WIPI1: variants seen among roughly 807,000 people sequenced by gnomAD.
The protein encoded by WIPI1 is WD repeat domain phosphoinositide-interacting protein 1.
Under a neutral mutation model 55.3 loss-of-function variants are expected in WIPI1, and 45 were observed. The observed-to-expected ratio is 0.81, with a 90% CI of 0.64 to 1.04. The LOEUF is 1.04. Among genes scored for constraint, WIPI1 ranks in the 50% least tolerant of loss-of-function variants. The probability of loss-of-function intolerance (pLI) is 0.00; values close to 1 mark genes in which losing one functional copy is unlikely to be tolerated. For missense variants in WIPI1, 445 were observed against 559.0 expected (o/e 0.80, Z 2.06); for synonymous variants, 195 against 217.6 (o/e 0.90, Z 0.92).
At position 68,450,898 on chromosome 17, in the gene WIPI1, C is replaced by A. The variant is rs2084474137; in HGVS notation, c.164-1G>T. On this transcript the variant is annotated splice_acceptor_variant, in intron 2 of 12. Coordinates refer to ENST00000262139, the MANE Select transcript of WIPI1 (RefSeq NM_017983.7). LOFTEE classifies it high-confidence loss of function. ...ACGATGTAGACGTCCGGGATTTCATCTGGGAGGAAAAGCAGCCGGGAGGTT... is the reference window on the plus strand; with the variant it reads ...ACGATGTAGACGTCCGGGATTTCATATGGGAGGAAAAGCAGCCGGGAGGTT... 3.7e-6 allele frequency: 6 copies of A among 1,610,934 alleles called. No homozygotes were observed. Among genetic ancestry groups the A allele is most frequent in the South Asian group, 1.1e-5 (1 of 90,738 alleles).
At chr17:68,426,363 G>T (rs147033555) in intron 11 of WIPI1, among the ~76,000 whole-genome samples, 188 bp from the exon 12 acceptor site, 1 of 152,024 alleles carries the variant, frequency 6.6e-6, no homozygotes, top group Non-Finnish European at 1.5e-5. Flanking sequence ...AGCCTGACCT[G>T]CCTTTCCACT....
Position 68,435,707 on chromosome 17 carries a change from T to A in WIPI1, c.534A>T (p.Thr178=). Residue 178 remains threonine, a synonymous_variant, in exon 6 of 13, where the codon ACA becomes ACT. Transcript: ENST00000262139. The part of the protein sequence containing the change: ...IVLYDGNSLK[T]VCTIAAHEGT... ...CCTCATGGGCAGCAATAGTGCAGAC[T>A]GTTTTCTGTTGGTGAAAAGGAAAAA... is the stretch of plus-strand genomic sequence containing the variant. 1 of 1,614,200 alleles carries A rather than the reference T, an allele frequency of 6.2e-7. No individual in the cohort carries two copies. The highest frequency in any genetic ancestry group is 8.5e-7 in the Non-Finnish European group (1 of 1,180,012).
chr17:68,448,974 G>A lies in WIPI1; in HGVS notation c.333+1754C>T, dbSNP rs912693533. Reference sequence around the variant, plus strand: ...TCTCTTTCTCCAGCTATTTTTCACCGCACTGCTTTAGGTGGACTTAAGTGG... The same window carrying A: ...TCTCTTTCTCCAGCTATTTTTCACCACACTGCTTTAGGTGGACTTAAGTGG... On this transcript the variant is annotated intron_variant, in intron 3 of 12. Coordinates refer to ENST00000262139, the MANE Select transcript of WIPI1 (RefSeq NM_017983.7). 8.5e-5 allele frequency among the ~76,000 whole-genome samples: 13 copies of A among 152,168 alleles called. No homozygotes were observed. The East Asian group carries it at 9.7e-4, about 11-fold the overall frequency.
Position 68,437,911 on chromosome 17 carries a change from C to G in WIPI1, c.431-1432G>C, listed in dbSNP as rs146285289. ...AATTCCATAGAAACCAAAGTGTTAC[C>G]AGAAACTTTGAGATCACGCAAGAGA... On this transcript the variant is annotated intron_variant, in intron 4 of 12. Transcript: ENST00000262139. 9.4e-3 allele frequency among the ~76,000 whole-genome samples: 1,159 copies of G among 123,594 alleles called. 22 individuals carry two copies. Among genetic ancestry groups the G allele is most frequent in the African/African-American group, 0.034 (1,096 of 32,342 alleles). The allele number at this position is 123,594 out of a possible 152,430, so 81.1% of individuals were successfully genotyped here. A position where few individuals can be genotyped will look rare whatever the true frequency, so the allele number is the denominator to read the frequency against.
intron 4 of WIPI1, among the ~76,000 whole-genome samples, chr17:68,437,848 GA>G (rs1279524644): frequency 6.7e-6 from 1 of 148,848 alleles, no homozygotes; most frequent in Non-Finnish European, 1.5e-5. Flanking sequence ...CAATGGTTTA[GA>G]TGAATAGAGG....
chr17:68,457,263 A>G, intron 1 of WIPI1, 79 bp downstream of exon 1: 1 of 1,495,912 alleles, frequency 6.7e-7, no homozygotes, highest in Admixed American at 2.1e-5. Flanking sequence ...CGGAAGCCAC[A>G]AGCTGCTCTC....
intron 8 of WIPI1, among the ~76,000 whole-genome samples, chr17:68,431,911 G>A (rs1332734087): frequency 2.6e-5 from 4 of 152,222 alleles, no homozygotes; most frequent in South Asian, 2.1e-4. Context: ...CAGCAATTGC[G>A]ATCACTCACT....
chr17:68,428,796 G>C (rs560374297), intron 10 of WIPI1, 33 bp downstream of exon 10: 1 of 1,548,414 alleles, frequency 6.5e-7, no homozygotes, highest in Non-Finnish European at 8.9e-7. Context: ...ACCAGCTCTC[G>C]AAAGGCTGTC....
intron 9 of WIPI1, 64 bp downstream of exon 9, chr17:68,429,932 G>A: frequency 6.2e-7 from 1 of 1,602,100 alleles, no homozygotes; most frequent in Non-Finnish European, 8.5e-7. Context: ...GGGGATTTTT[G>A]TGCTTTGGAA....
rs2083255579 is a variant in WIPI1 at position 68,427,206 on chromosome 17, C to G, written c.1121G>C (p.Arg374Thr). The part of the protein sequence containing the change: ...TTEENKENDL[R>T]PSLPQSYAAT... ...TGCATAAGACTGAGGTAAGGAAGGT[C>G]TGAGGTCATTTTCTTTATTCTCTTC... Residue 374 changes from arginine (R) to threonine (T), a missense_variant, in exon 11 of 13, where the codon AGA becomes ACA. Arg to Thr is a moderately conservative substitution (Grantham distance 71). Transcript: ENST00000262139. 6.2e-7 allele frequency: 1 copy of G among 1,614,048 alleles called. No homozygotes were observed. The highest frequency in any genetic ancestry group is 1.1e-5 in the South Asian group (1 of 91,088).
intron 11 of WIPI1, 27 bp from the exon 12 acceptor site, chr17:68,426,202 C>A: frequency 1.3e-6 from 2 of 1,524,936 alleles, no homozygotes; most frequent in Non-Finnish European, 1.8e-6. Context: ...AGACATGAAA[C>A]AAGCACTGGG....
At chr17:68,433,916 G>T (rs1029773455) in intron 7 of WIPI1, among the ~76,000 whole-genome samples, 9 of 151,670 alleles carry the variant, frequency 5.9e-5, no homozygotes, top group Non-Finnish European at 1.0e-4. Flanking sequence ...CCAAGTAGCT[G>T]GGATTACAGG....
chr17:68,450,587 C>G (rs892779509), intron 3 of WIPI1, 141 bp downstream of exon 3: 8 of 1,159,002 alleles, frequency 6.9e-6, no homozygotes, highest in Non-Finnish European at 9.7e-6. Flanking sequence ...TACAATACCC[C>G]CGGGACACGG....
chr17:68,433,464 T>G lies in WIPI1; in HGVS notation c.800+4A>C. Reference sequence around the variant, plus strand: ...GAGCATTTGGTGCCCCGCGGAGTACTTGCCTGTTGGTGACCTGTTCCAGCT... The same window carrying G: ...GAGCATTTGGTGCCCCGCGGAGTACGTGCCTGTTGGTGACCTGTTCCAGCT... On this transcript the variant is annotated splice_donor_region_variant and intron_variant, in intron 8 of 12. Transcript: ENST00000262139. The G allele has an allele frequency of 6.2e-7, 1 of 1,613,870 alleles. No individual in the cohort carries two copies. Among genetic ancestry groups the G allele is most frequent in the Non-Finnish European group, 8.5e-7 (1 of 1,179,852 alleles).
intron 2 of WIPI1, 134 bp from the exon 3 acceptor site, chr17:68,451,031 G>C: frequency 7.9e-7 from 1 of 1,259,368 alleles, no homozygotes; most frequent in Non-Finnish European, 1.1e-6. Context: ...CGCCCTCTCT[G>C]AGCTTGCATT....
At chr17:68,427,021 G>C (rs1268891567) in intron 11 of WIPI1, 114 bp downstream of exon 11, 2 of 840,280 alleles carry the variant, frequency 2.4e-6, no homozygotes, top group East Asian at 5.0e-5. Flanking sequence ...GAAGGGGAGG[G>C]AGGGCACTCC....
chr17:68,446,335 C>G (rs2147963778), intron 3 of WIPI1, among the ~76,000 whole-genome samples: 1 of 152,186 alleles, frequency 6.6e-6, no homozygotes, highest in Middle Eastern at 3.4e-3. Context: ...TGTGCGCCAC[C>G]ATGCCTGGCT....
chr17:68,429,991 C>T lies in WIPI1; in HGVS notation c.965+5G>A, dbSNP rs752403833. On this transcript the variant is annotated splice_donor_5th_base_variant and intron_variant, in intron 9 of 12. Coordinates refer to ENST00000262139, the MANE Select transcript of WIPI1 (RefSeq NM_017983.7). ...CTTGTTCAGAGTGGGTGTCATTGTACGTACGTTGAGAGGGTACAGATGTTC... is the reference window on the plus strand; with the variant it reads ...CTTGTTCAGAGTGGGTGTCATTGTATGTACGTTGAGAGGGTACAGATGTTC... 10 of 1,613,850 alleles carry T rather than the reference C, an allele frequency of 6.2e-6. No individual in the cohort carries two copies. The highest frequency in any genetic ancestry group is 1.7e-5 in the Admixed American group (1 of 59,954).
At position 68,457,352 on chromosome 17, in the gene WIPI1, G is replaced by A; in HGVS notation, c.70C>T (p.Gln24Ter). The A allele has an allele frequency of 6.5e-7, 1 of 1,544,182 alleles. No individual in the cohort carries two copies. Among genetic ancestry groups the A allele is most frequent in the South Asian group, 1.2e-5 (1 of 83,852 alleles). ...CGAGTCGCAGCTTACGTGCAGTCCT[G>A]GTTGAAAGAGAAGCAGCTGAGCGCC... ...ESALSCFSFN[Q>*]DCTSLATGTK... Residue 24 changes from glutamine (Q) to a stop codon, truncating the protein, a stop_gained, in exon 1 of 13, where the codon CAG becomes TAG. Transcript: ENST00000262139. LOFTEE classifies it high-confidence loss of function.
Sources: gnomAD v4.1 joint callset for allele counts (sites outside exome capture counted in the v4.1 genomes callset) on GRCh38, gnomAD v4.1.1 for gene constraint, MANE v1.5 for transcripts, NCBI Gene and HGNC (gene_info 2026-07-23, HGNC 2026-07-21) for gene names.